The following XPO4 variants were observed in gnomAD, a reference collection of about 807,000 sequenced individuals.
The protein encoded by XPO4 is exportin-4.
XPO4 carries 39 observed loss-of-function variants against 143.0 expected under a neutral mutation model. That is an observed-to-expected ratio of 0.27 (90% CI 0.21 to 0.36). The LOEUF is 0.36. XPO4 is among the 10% of genes least tolerant of loss of function. The pLI, the probability that XPO4 is intolerant of heterozygous loss-of-function variation, is 1.00. For synonymous variants in XPO4, 439 were observed against 474.0 expected, an observed-to-expected ratio of 0.93 and a Z score of 0.96; for missense variants, 907 against 1,348.0, an observed-to-expected ratio of 0.67 and a Z score of 5.12.
intron 9 of XPO4, among the ~76,000 whole-genome samples, chr13:20,817,214 C>T (rs1238454795): frequency 6.6e-6 from 1 of 152,204 alleles, no homozygotes; most frequent in Non-Finnish European, 1.5e-5. Context: ...AAAATTTATG[C>T]TCCCCACTTC....
intron 1 of XPO4, chr13:20,869,691 T>C: frequency 1.6e-6 from 1 of 632,310 alleles, no homozygotes. Context: ...AAAAATTAAC[T>C]ACTGTGAATC....
intron 4 of XPO4, chr13:20,851,798 A>C (rs2060092880): frequency 9.1e-6 from 9 of 985,354 alleles, no homozygotes; most frequent in Non-Finnish European, 9.6e-6. Context: ...TCATGAGAAT[A>C]TTACATTTAT....
chr13:20,805,562 C>T (rs2059493217), intron 13 of XPO4, among the ~76,000 whole-genome samples: 1 of 152,160 alleles, frequency 6.6e-6, no homozygotes, highest in Non-Finnish European at 1.5e-5. Context: ...ACCAACCTCA[C>T]ATCTCTGCTC....
chr13:20,810,092 G>C, intron 9 of XPO4, 125 bp from the exon 10 acceptor site: 1 of 738,522 alleles, frequency 1.4e-6, no homozygotes, highest in Non-Finnish European at 1.9e-6. Context: ...TTATTGATAA[G>C]TTTTTATTGA....
chr13:20,838,451 T>G (rs1258775640), intron 6 of XPO4, among the ~76,000 whole-genome samples: 1 of 151,046 alleles, frequency 6.6e-6, no homozygotes, highest in East Asian at 2.0e-4. Context: ...CTACTAAAAA[T>G]ACAAAAAAAT....
intron 6 of XPO4, among the ~76,000 whole-genome samples, chr13:20,833,442 C>T (rs1278558111): frequency 3.3e-5 from 5 of 152,290 alleles, no homozygotes; most frequent in African/African-American, 9.6e-5. Flanking sequence ...TTGCATGTAA[C>T]TTATAAACAT....
intron 20 of XPO4, among the ~76,000 whole-genome samples, chr13:20,788,125 G>A (rs1385679022): frequency 4.7e-5 from 7 of 149,544 alleles, no homozygotes; most frequent in South Asian, 2.1e-4. Context: ...GCGCAATCTC[G>A]GCTCACTGCC....
At position 20,827,099 on chromosome 13, in the gene XPO4, G is replaced by A. The variant is rs564696951; in HGVS notation, c.808C>T (p.Leu270=). The change falls in exon 7 of 23, where the codon CTG becomes TTG. Residue 270 remains leucine, a synonymous_variant. Transcript: ENST00000255305. The part of the protein sequence containing the change: ...KPTESWRETL[L]DSRVMELFFT... ...AAAAGCTCCATAACTCTGCTGTCCA[G>A]AAGAGTCTCCCGCCAGGACTCTGTT... is the stretch of plus-strand genomic sequence containing the variant. 54 of 1,613,796 alleles carry A rather than the reference G, an allele frequency of 3.3e-5. No individual in the cohort carries two copies. In the East Asian group the frequency reaches 1.2e-3, roughly 36 times the overall value.
At chr13:20,830,760 C>T (rs1311078900) in intron 6 of XPO4, among the ~76,000 whole-genome samples, 1 of 152,142 alleles carries the variant, frequency 6.6e-6, no homozygotes, top group Non-Finnish European at 1.5e-5. Flanking sequence ...AGTTATCAGA[C>T]TGTACCATGA....
intron 2 of XPO4, among the ~76,000 whole-genome samples, chr13:20,867,502 T>G (rs1273991608): frequency 6.6e-6 from 1 of 152,138 alleles, no homozygotes; most frequent in Non-Finnish European, 1.5e-5. Context: ...TTAAGGCAAA[T>G]GGTATCGTTA....
At chr13:20,848,988 C>A (rs2060057090) in intron 4 of XPO4, 1 of 985,312 alleles carries the variant, frequency 1.0e-6, no homozygotes, top group Admixed American at 6.2e-5. Context: ...CCAGCATTCT[C>A]ATTTATTTCT....
intron 4 of XPO4, chr13:20,851,373 GTA>G (rs2060084130): frequency 2.0e-6 from 2 of 985,190 alleles, no homozygotes; most frequent in Non-Finnish European, 1.2e-6. Flanking sequence ...TCCCACTGAA[GTA>G]TACTGATTTC....
At chr13:20,885,772 C>A (rs2060456459) in intron 1 of XPO4, among the ~76,000 whole-genome samples, 2 of 151,664 alleles carry the variant, frequency 1.3e-5, no homozygotes, top group South Asian at 4.2e-4. Context: ...GCCTTTGTCT[C>A]TACAAAACAA....
chr13:20,821,432 A>G (rs2059718802), intron 9 of XPO4, among the ~76,000 whole-genome samples: 1 of 152,194 alleles, frequency 6.6e-6, no homozygotes, highest in Non-Finnish European at 1.5e-5. Context: ...TGAACAAACC[A>G]CAGCTCATTT....
intron 2 of XPO4, among the ~76,000 whole-genome samples, chr13:20,865,821 T>C (rs1018372472): frequency 6.6e-6 from 1 of 152,196 alleles, no homozygotes; most frequent in Admixed American, 6.6e-5. Context: ...GTGATACCTA[T>C]GCCCACCAAC....
chr13:20,874,549 G>A (rs1171269640), intron 1 of XPO4, among the ~76,000 whole-genome samples: 1 of 152,158 alleles, frequency 6.6e-6, no homozygotes, highest in African/African-American at 2.4e-5. Flanking sequence ...CTGATAAAAG[G>A]TTAAATTAGG....
chr13:20,796,585 C>A (rs1247241389), intron 17 of XPO4, among the ~76,000 whole-genome samples, 179 bp downstream of exon 17: 2 of 151,910 alleles, frequency 1.3e-5, no homozygotes, highest in African/African-American at 4.8e-5. Context: ...AATTTACATT[C>A]ATTCAACATG....
At position 20,794,598 on chromosome 13, in the gene XPO4, T is replaced by C. The variant is rs375837745; in HGVS notation, c.2797+1478A>G. ...AAGAGGTTAAGAATGCTGGGCACAGTGGCTCACACCTGTAATCCCAGCACT... is the reference window on the plus strand; with the variant it reads ...AAGAGGTTAAGAATGCTGGGCACAGCGGCTCACACCTGTAATCCCAGCACT... On this transcript the variant is annotated intron_variant, in intron 18 of 22. Coordinates refer to ENST00000255305, the MANE Select transcript of XPO4 (RefSeq NM_022459.5). Among the ~76,000 whole-genome samples the C allele has an allele frequency of 4.6e-5, 7 of 152,226 alleles. No homozygotes were observed. The South Asian group carries it at 1.2e-3, about 27-fold the overall frequency.
rs141383843 is a variant in XPO4 at position 20,837,873 on chromosome 13, T to C, written c.727+5022A>G. Among the ~76,000 whole-genome samples, 46 of 152,268 alleles carry C rather than the reference T, an allele frequency of 3.0e-4. 2 individuals carry two copies. The East Asian group carries it at 6.0e-3, about 20-fold the overall frequency. ...ATGGAGGAAACTGCCCCCATGACTT[T>C]ATCTCCCACGGGGTCCCTCCCACAA... On this transcript the variant is annotated intron_variant, in intron 6 of 22. Transcript: ENST00000255305.
Sources: allele counts gnomAD v4.1 joint callset (sites outside exome capture counted in the v4.1 genomes callset), GRCh38; gene constraint gnomAD v4.1.1; transcripts MANE v1.5; gene names NCBI Gene and HGNC (gene_info 2026-07-23, HGNC 2026-07-21).